Variants in TMEM117 observed in about 807,000 individuals in gnomAD.
TMEM117 encodes transmembrane protein 117.
TMEM117 carries 27 observed loss-of-function variants against 52.4 expected under a neutral mutation model. The observed-to-expected ratio is 0.51, with a 90% confidence interval of 0.38 to 0.71. TMEM117 has a LOEUF of 0.71. Ranked by LOEUF, TMEM117 falls within the 30% of genes least tolerant of loss-of-function variation. The pLI, the probability that TMEM117 is intolerant of heterozygous loss-of-function variation, is 0.00. For synonymous variants in TMEM117, 215 were observed against 206.3 expected (o/e 1.04, Z -0.36); for missense variants, 556 against 630.5 (o/e 0.88, Z 1.26).
At chr12:44,395,295 GATTTT>G in the TMEM117 span, among the ~76,000 whole-genome samples, 1 of 152,140 alleles carries the variant, frequency 6.6e-6, no homozygotes, top group Non-Finnish European at 1.5e-5. Context: ...AAAATGAATA[GATTTT>G]ATTTACTTCT....
chr12:44,293,510 C>T (rs1483099470), intron 5 of TMEM117, among the ~76,000 whole-genome samples: 1 of 152,084 alleles, frequency 6.6e-6, no homozygotes, highest in African/African-American at 2.4e-5. Context: ...TTTTCTCCTG[C>T]TGTCTTTCTT....
intron 3 of TMEM117, among the ~76,000 whole-genome samples, chr12:44,071,060 C>T (rs1947294429): frequency 6.6e-6 from 1 of 152,148 alleles, no homozygotes; most frequent in South Asian, 2.1e-4. Context: ...AGAGCTCTGT[C>T]TGTAAAGAAA....
At chr12:43,991,780 A>G (rs1018317795) in intron 3 of TMEM117, among the ~76,000 whole-genome samples, 7 of 152,134 alleles carry the variant, frequency 4.6e-5, no homozygotes, top group Non-Finnish European at 8.8e-5. Flanking sequence ...TGTTTTCCAT[A>G]CTATCATCTT....
chr12:44,076,414 A>C (rs1947383205), intron 3 of TMEM117, among the ~76,000 whole-genome samples: 1 of 152,184 alleles, frequency 6.6e-6, no homozygotes, highest in Non-Finnish European at 1.5e-5. Flanking sequence ...TTGAACACCA[A>C]AGGCAAGGAA....
Position 44,354,431 on chromosome 12 carries a change from C to T in TMEM117, c.769-22164C>T, listed in dbSNP as rs1365458746. ...GCAAAAATCCTCAGTAAAATACTGG[C>T]AAACCAAATCCAGCAGCACATCAAA... On this transcript the variant is annotated intron_variant, in intron 6 of 7. Transcript: ENST00000266534. Among the ~76,000 whole-genome samples, 4 of 152,020 alleles carry T rather than the reference C, an allele frequency of 2.6e-5. No homozygotes were observed. The East Asian group carries it at 7.7e-4, about 29-fold the overall frequency.
intron 6 of TMEM117, among the ~76,000 whole-genome samples, chr12:44,306,832 G>T (rs569253833): frequency 6.6e-6 from 1 of 152,214 alleles, no homozygotes; most frequent in Non-Finnish European, 1.5e-5. Context: ...TTTCACTGAA[G>T]TATGATCTTA....
At chr12:43,850,415 A>G (rs1943286477) in intron 2 of TMEM117, among the ~76,000 whole-genome samples, 1 of 152,154 alleles carries the variant, frequency 6.6e-6, no homozygotes, top group African/African-American at 2.4e-5. Flanking sequence ...CCTCACTCCA[A>G]ACCTGATCTT....
intron 2 of TMEM117, among the ~76,000 whole-genome samples, chr12:43,876,639 C>G (rs890429114): frequency 2.0e-5 from 3 of 152,108 alleles, no homozygotes; most frequent in Admixed American, 6.6e-5. Context: ...AGCTCCCCTC[C>G]CCTCACCTTT....
chr12:43,996,865 C>A (rs1946039965), intron 3 of TMEM117, among the ~76,000 whole-genome samples: 1 of 152,076 alleles, frequency 6.6e-6, no homozygotes, highest in South Asian at 2.1e-4. Context: ...TAACTTGGAA[C>A]CTCCCTGGTA....
chr12:44,301,334 G>T (rs750818176), intron 6 of TMEM117, among the ~76,000 whole-genome samples: 4 of 152,070 alleles, frequency 2.6e-5, no homozygotes, highest in Non-Finnish European at 4.4e-5. Context: ...AGAAAGAAAG[G>T]ATAGTCAGGA....
At chr12:44,050,604 C>G (rs1946955379) in intron 3 of TMEM117, among the ~76,000 whole-genome samples, 3 of 152,236 alleles carry the variant, frequency 2.0e-5, no homozygotes, top group Admixed American at 2.0e-4. Context: ...CAGTCTCTTT[C>G]TCTGCCTTGC....
intron 6 of TMEM117, among the ~76,000 whole-genome samples, chr12:44,309,711 A>G (rs1441277752): frequency 1.3e-5 from 2 of 151,908 alleles, no homozygotes. Context: ...TAACTTTACA[A>G]ATGAGAAGAA....
chr12:44,247,705 C>T (rs973877732), intron 5 of TMEM117, among the ~76,000 whole-genome samples: 9 of 152,210 alleles, frequency 5.9e-5, no homozygotes, highest in African/African-American at 1.7e-4. Context: ...ACCTCTTAAT[C>T]GGCCCTTTAT....
chr12:43,922,493 A>T (rs1390818206), intron 2 of TMEM117, among the ~76,000 whole-genome samples: 1 of 152,188 alleles, frequency 6.6e-6, no homozygotes, highest in East Asian at 1.9e-4. Context: ...AAAGCATTAC[A>T]ATAGAGTGAC....
chr12:44,391,127 A>G (rs944573383), downstream of TMEM117, among the ~76,000 whole-genome samples: 2 of 152,184 alleles, frequency 1.3e-5, no homozygotes, highest in East Asian at 1.9e-4. Flanking sequence ...TCTACTGTTC[A>G]GTAATTACAG....
intron 4 of TMEM117, among the ~76,000 whole-genome samples, chr12:44,178,058 A>G (rs1949140608): frequency 1.3e-5 from 2 of 152,184 alleles, no homozygotes; most frequent in South Asian, 4.1e-4. Flanking sequence ...ACAAGCATCT[A>G]CAACATCTTG....
intron 3 of TMEM117, among the ~76,000 whole-genome samples, chr12:43,986,635 T>C (rs1219612272): frequency 6.6e-6 from 1 of 152,176 alleles, no homozygotes; most frequent in East Asian, 1.9e-4. Context: ...TTTCAGACTA[T>C]TGGAAAATTC....
chr12:44,115,961 C>G (rs758297259), intron 3 of TMEM117, among the ~76,000 whole-genome samples: 17 of 152,172 alleles, frequency 1.1e-4, no homozygotes, highest in Admixed American at 1.1e-3. Context: ...CTTTCTGTCC[C>G]TTTCCAGCCA....
intron 2 of TMEM117, among the ~76,000 whole-genome samples, chr12:43,896,025 G>C (rs528309163): frequency 5.2e-4 from 79 of 152,152 alleles, no homozygotes; most frequent in African/African-American, 1.9e-3. Context: ...ATTGAGGGTG[G>C]GTCTGCCTTT....
Sources: gnomAD v4.1 joint callset for allele counts (sites outside exome capture counted in the v4.1 genomes callset) on GRCh38, gnomAD v4.1.1 for gene constraint, MANE v1.5 for transcripts, NCBI Gene and HGNC (gene_info 2026-07-23, HGNC 2026-07-21) for gene names.